Variants in MCM10 observed in about 807,000 individuals in gnomAD.
MCM10 encodes the protein minichromosome maintenance 10 replication initiation factor.
A neutral mutation model predicts 109.9 loss-of-function variants in MCM10; 91 were observed. The ratio of observed to expected loss-of-function variants is 0.83; its 90% confidence interval spans 0.70 to 0.99. MCM10 has a LOEUF of 0.99. Ranked by LOEUF, MCM10 falls within the 50% of genes least tolerant of loss-of-function variation. MCM10 has a pLI of 0.00. For synonymous variants in MCM10, 380 were observed against 387.2 expected (o/e 0.98, Z 0.22); for missense variants, 1,077 against 1,061.2 (o/e 1.01, Z -0.21).
At chr10:13,197,179 TC>T (rs1473474123) in intron 14 of MCM10, among the ~76,000 whole-genome samples, 3 of 152,190 alleles carry the variant, frequency 2.0e-5, no homozygotes, top group African/African-American at 7.2e-5. Flanking sequence ...TGCTTCAGCC[TC>T]CCAAAGTGCT....
At position 13,182,756 on chromosome 10, in the gene MCM10, C is replaced by G. The variant is rs75511519; in HGVS notation, c.931-177C>G. On this transcript the variant is annotated intron_variant, in intron 7 of 19. Transcript: ENST00000378714. The surrounding 1 kb of genome is among the most constrained non-coding windows in gnomAD (Gnocchi z 4.2). The stretch of plus-strand genomic sequence containing the variant: ...TGAGAAGGGTAATAGAATGCAAAAG[C>G]CTAGAGAATGGGTTAAAGTTATCAC... Among the ~76,000 whole-genome samples, 1,783 of 152,038 alleles carry G rather than the reference C, an allele frequency of 0.012. 46 individuals are homozygous for G. Among genetic ancestry groups the G allele is most frequent in the African/African-American group, 0.041 (1,687 of 41,450 alleles).
intron 10 of MCM10, among the ~76,000 whole-genome samples, chr10:13,189,755 A>G (rs973075567): frequency 2.6e-5 from 4 of 152,168 alleles, no homozygotes; most frequent in African/African-American, 9.7e-5. Context: ...ATGGAACCCA[A>G]ATTTCATTCA....
At chr10:13,194,986 G>A in intron 13 of MCM10, 55 bp from the exon 14 acceptor site, 1 of 1,538,094 alleles carries the variant, frequency 6.5e-7, no homozygotes. Flanking sequence ...TTGAGTTCTA[G>A]AGTTTTTATT....
intron 8 of MCM10, among the ~76,000 whole-genome samples, chr10:13,184,121 G>C (rs1397903120): frequency 6.6e-6 from 1 of 151,936 alleles, no homozygotes; most frequent in Admixed American, 6.6e-5. Context: ...GCCTCTTAAA[G>C]TGCTGGGATT....
At chr10:13,205,840 C>A (rs1171998534) in intron 18 of MCM10, among the ~76,000 whole-genome samples, 1 of 152,174 alleles carries the variant, frequency 6.6e-6, no homozygotes, top group Non-Finnish European at 1.5e-5. Flanking sequence ...TCTTTTGTTT[C>A]TCTTTTTACT....
chr10:13,162,833 G>A (rs181133427), intron 1 of MCM10, among the ~76,000 whole-genome samples: 8 of 152,030 alleles, frequency 5.3e-5, no homozygotes, highest in African/African-American at 9.7e-5. Context: ...TAATCCCAGC[G>A]CTTTGGGAGG....
At chr10:13,189,349 G>T (rs889024746) in intron 10 of MCM10, among the ~76,000 whole-genome samples, 1 of 150,468 alleles carries the variant, frequency 6.6e-6, no homozygotes, top group Admixed American at 6.6e-5. Flanking sequence ...TTGAGACGGA[G>T]TCTTACTCTA....
intron 8 of MCM10, among the ~76,000 whole-genome samples, chr10:13,185,474 C>T (rs1189420396): frequency 6.6e-6 from 1 of 152,178 alleles, no homozygotes; most frequent in Admixed American, 6.5e-5. Context: ...GGGAGCCAGC[C>T]TCCTAACTCA....
In MCM10 at chr10:13,188,904, C is replaced by T. The variant is rs750826307; in HGVS notation, c.1239C>T (p.Tyr413=). The part of the protein sequence containing the change: ...VNLRDCEYCQ[Y]HVQAQYKKLS... ...AGCGTGACTGTGAGTACTGTCAGTA[C>T]CATGTCCAGGCTCAGTACAAGAAGC... Residue 413 remains tyrosine, a synonymous_variant, in exon 10 of 20, where the codon TAC becomes TAT. Coordinates refer to ENST00000378714, the MANE Select transcript of MCM10 (RefSeq NM_018518.5). 1.4e-5 allele frequency: 22 copies of T among 1,614,182 alleles called. No individual in the cohort carries two copies. Among genetic ancestry groups the T allele is most frequent in the Non-Finnish European group, 1.7e-5 (20 of 1,180,002 alleles).
At position 13,192,550 on chromosome 10, in the gene MCM10, C is replaced by T; in HGVS notation, c.1727C>T (p.Ser576Leu). 1 of 1,614,130 alleles carries T rather than the reference C, an allele frequency of 6.2e-7. No individual in the cohort carries two copies. Among genetic ancestry groups the T allele is most frequent in the African/African-American group, 1.3e-5 (1 of 75,048 alleles). ...QRMLEMRRRK[S>L]EEIQKRFLQS... ...ATGTTGGAGATGAGGAGAAGGAAAT[C>T]AGAAGAAATACAGAAGCGGTAAGAG... The change falls in exon 13 of 20, where the codon TCA (serine) becomes TTA (leucine). Residue 576 changes from serine (S) to leucine (L), a missense_variant. Ser to Leu is a moderately radical substitution (Grantham distance 145). Transcript: ENST00000378714.
chr10:13,174,997 G>A (rs927947412), intron 5 of MCM10, among the ~76,000 whole-genome samples: 8 of 151,902 alleles, frequency 5.3e-5, no homozygotes, highest in African/African-American at 1.2e-4. Flanking sequence ...ACGTGGTGGC[G>A]CATGCCTGTA....
At chr10:13,165,546 C>T (rs988409079) in intron 2 of MCM10, among the ~76,000 whole-genome samples, 3 of 152,124 alleles carry the variant, frequency 2.0e-5, no homozygotes, top group Admixed American at 6.6e-5. Flanking sequence ...ATCATAGTAT[C>T]TATCTGGAAA....
chr10:13,187,215 T>A (rs1240165276), intron 9 of MCM10, among the ~76,000 whole-genome samples: 1 of 152,186 alleles, frequency 6.6e-6, no homozygotes, highest in Non-Finnish European at 1.5e-5. Flanking sequence ...ACATTTCATA[T>A]AATGGAATCA....
chr10:13,184,866 G>A (rs1564386697), intron 8 of MCM10, among the ~76,000 whole-genome samples: 1 of 152,180 alleles, frequency 6.6e-6, no homozygotes, highest in African/African-American at 2.4e-5. Flanking sequence ...TCTTGGAGAG[G>A]AATACCATGC....
intron 2 of MCM10, among the ~76,000 whole-genome samples, chr10:13,169,612 T>C (rs1445175581): frequency 6.6e-6 from 1 of 152,228 alleles, no homozygotes; most frequent in Non-Finnish European, 1.5e-5. Context: ...TAGCCCATAT[T>C]GTCCTTTATT....
Position 13,180,441 on chromosome 10 carries a change from G to A in MCM10, c.765-1G>A. The A allele has an allele frequency of 6.2e-7, 1 of 1,607,458 alleles. No individual in the cohort carries two copies. Among genetic ancestry groups the A allele is most frequent in the Non-Finnish European group, 8.5e-7 (1 of 1,177,476 alleles). Reference sequence around the variant, plus strand: ...TACTAATCGCTGGTTTCTTAACCCAGGCGGCCTCGAGTATCCTCCACAGAA... The same window carrying A: ...TACTAATCGCTGGTTTCTTAACCCAAGCGGCCTCGAGTATCCTCCACAGAA... On this transcript the variant is annotated splice_acceptor_variant, in intron 6 of 19. Transcript: ENST00000378714. LOFTEE classifies it high-confidence loss of function.
rs189328335 is a variant in MCM10, at chr10:13,167,074, G to A, written c.7+2865G>A. 3.3e-3 allele frequency among the ~76,000 whole-genome samples: 508 copies of A among 152,166 alleles called. 2 individuals are homozygous for A. The highest frequency in any genetic ancestry group is 0.012 in the African/African-American group (489 of 41,506). On this transcript the variant is annotated intron_variant, in intron 2 of 19. Coordinates refer to ENST00000378714, the MANE Select transcript of MCM10 (RefSeq NM_018518.5). ...GGATCGCTTGAGCCCAGGAGTTTGA[G>A]GCTATAGTGAGCTAAGATTGCAACA...
rs367765683 is a variant in MCM10, at chr10:13,195,137, C to T, written c.1842C>T (p.Pro614=). ...CTCCACGGACAGGATCCGAGTTCCC[C>T]AGGCTGGAGGGAGCCCCGGCCACAA... ...AQPPRTGSEF[P]RLEGAPATMT... Residue 614 remains proline, a synonymous_variant, in exon 14 of 20, where the codon CCC becomes CCT. Coordinates refer to ENST00000378714, the MANE Select transcript of MCM10 (RefSeq NM_018518.5). 3.9e-5 allele frequency: 63 copies of T among 1,614,056 alleles called. No individual in the cohort carries two copies. Among genetic ancestry groups the T allele is most frequent in the Admixed American group, 5.0e-5 (3 of 60,008 alleles).
intron 10 of MCM10, 126 bp from the exon 11 acceptor site, chr10:13,191,173 A>T: frequency 3.1e-6 from 2 of 651,324 alleles, no homozygotes; most frequent in Non-Finnish European, 5.6e-6. Flanking sequence ...AAGAAAGCCT[A>T]CTTAGATGGT....
Sources: gnomAD v4.1 joint callset for allele counts (sites outside exome capture counted in the v4.1 genomes callset) on GRCh38, gnomAD v4.1.1 for gene constraint, Gnocchi (gnomAD v3.1) non-coding constraint, MANE v1.5 for transcripts, NCBI Gene and HGNC (gene_info 2026-07-23, HGNC 2026-07-21) for gene names.